The following CCDC148 variants were observed in gnomAD, a reference collection of about 807,000 sequenced individuals.
CCDC148 encodes coiled-coil domain containing 148.
A neutral mutation model predicts 85.7 loss-of-function variants in CCDC148; 89 were observed. The ratio of observed to expected loss-of-function variants is 1.04; its 90% CI spans 0.87 to 1.24. CCDC148 has a LOEUF of 1.24. Among genes scored for constraint, CCDC148 ranks in the 50% most tolerant of loss-of-function variants. The probability of loss-of-function intolerance (pLI) is 0.00; values close to 1 mark genes in which losing one functional copy is unlikely to be tolerated. For missense variants in CCDC148, 692 were observed against 671.7 expected, an observed-to-expected ratio of 1.03 and a Z score of -0.33; for synonymous variants, 230 against 213.9, an observed-to-expected ratio of 1.08 and a Z score of -0.66.
chr2:158,414,290 C>A (rs973772883), intron 1 of CCDC148, among the ~76,000 whole-genome samples: 1 of 152,098 alleles, frequency 6.6e-6, no homozygotes, highest in Non-Finnish European at 1.5e-5. Context: ...TCTTACCAAA[C>A]CAGAAACACT....
intron 1 of CCDC148, among the ~76,000 whole-genome samples, chr2:158,420,796 T>C (rs919810355): frequency 2.0e-5 from 3 of 152,064 alleles, no homozygotes; most frequent in African/African-American, 7.2e-5. Flanking sequence ...GACTGGCAAC[T>C]TGGATAGAGT....
intron 11 of CCDC148, among the ~76,000 whole-genome samples, chr2:158,216,473 T>C (rs1306322684): frequency 2.1e-5 from 3 of 140,698 alleles, no homozygotes; most frequent in African/African-American, 8.0e-5. Flanking sequence ...CTCGGCTCAC[T>C]GCAACCTCCG....
chr2:158,293,951 CCTCTCCCTCCCT>C, intron 9 of CCDC148, among the ~76,000 whole-genome samples: 1 of 48,850 alleles, frequency 2.0e-5, no homozygotes, highest in South Asian at 1.1e-3. Flanking sequence ...CCTTCCTTCC[CCTCTCCCTCCCT>C]CCCTCCCTCC....
intron 11 of CCDC148, among the ~76,000 whole-genome samples, chr2:158,211,006 A>AG (rs1686546673): frequency 6.7e-6 from 1 of 148,558 alleles, no homozygotes; most frequent in Non-Finnish European, 1.5e-5. Context: ...GGACACAGGG[A>AG]GGGGAACATC....
chr2:158,272,492 A>G (rs1477274953), intron 9 of CCDC148, among the ~76,000 whole-genome samples: 1 of 152,228 alleles, frequency 6.6e-6, no homozygotes, highest in Non-Finnish European at 1.5e-5. Context: ...TCTTTGACAT[A>G]GATGAGAAAA....
intron 7 of CCDC148, among the ~76,000 whole-genome samples, chr2:158,330,294 A>G (rs1693028582): frequency 6.6e-6 from 1 of 152,156 alleles, no homozygotes; most frequent in Non-Finnish European, 1.5e-5. Context: ...GGTTCTGTTT[A>G]TATGCTGGAT....
chr2:158,195,643 G>A (rs899699917), intron 11 of CCDC148, among the ~76,000 whole-genome samples: 1 of 152,140 alleles, frequency 6.6e-6, no homozygotes, highest in African/African-American at 2.4e-5. Flanking sequence ...ATTTTTAAAA[G>A]AGCATGGACA....
At chr2:158,407,838 A>T (rs2105311831) in intron 1 of CCDC148, among the ~76,000 whole-genome samples, 1 of 152,298 alleles carries the variant, frequency 6.6e-6, no homozygotes, top group East Asian at 1.9e-4. Flanking sequence ...AACTTCTCAG[A>T]GGGAATCTGT....
chr2:158,264,803 C>T (rs991887967), intron 9 of CCDC148, among the ~76,000 whole-genome samples: 5 of 152,056 alleles, frequency 3.3e-5, no homozygotes, highest in African/African-American at 7.2e-5. Flanking sequence ...TATTACAATA[C>T]GTTCGTGGAA....
At chr2:158,411,309 G>A (rs111889827) in intron 1 of CCDC148, among the ~76,000 whole-genome samples, 11,655 of 151,914 alleles carry the variant, frequency 0.077, 560 homozygotes, top group Middle Eastern at 0.15. Flanking sequence ...CCTTCCCTAT[G>A]ACTCTGATAA....
rs532729308 is a variant in CCDC148 at position 158,187,848 on chromosome 2, C to T, written c.1371-8852G>A. Reference sequence around the variant, plus strand: ...GCAGCCTCCACCTCCCTCAAAGTCCCAGATCCTTTGAGCTTTTATTTGTTC... The same window carrying T: ...GCAGCCTCCACCTCCCTCAAAGTCCTAGATCCTTTGAGCTTTTATTTGTTC... On this transcript the variant is annotated intron_variant, in intron 11 of 13. Coordinates refer to ENST00000283233, the MANE Select transcript of CCDC148 (RefSeq NM_138803.4). 2.6e-5 allele frequency among the ~76,000 whole-genome samples: 4 copies of T among 152,168 alleles called. No individual in the cohort carries two copies. In the Middle Eastern group the frequency reaches 0.01, roughly 388 times the overall value.
intron 1 of CCDC148, among the ~76,000 whole-genome samples, chr2:158,429,164 A>C (rs1192294876): frequency 6.6e-6 from 1 of 151,822 alleles, no homozygotes; most frequent in East Asian, 1.9e-4. Context: ...GAGGGATAGC[A>C]TTAGGAGATA....
At chr2:158,352,872 G>A (rs1683396535) in intron 2 of CCDC148, among the ~76,000 whole-genome samples, 1 of 152,066 alleles carries the variant, frequency 6.6e-6, no homozygotes, top group East Asian at 1.9e-4. Flanking sequence ...ACTAGCAGCG[G>A]ATCTCTTGGC....
chr2:158,249,109 C>T (rs562954204), intron 10 of CCDC148, among the ~76,000 whole-genome samples: 10 of 152,184 alleles, frequency 6.6e-5, no homozygotes, highest in Non-Finnish European at 1.3e-4. Flanking sequence ...TTAATTGTAC[C>T]GACTCCCATT....
At chr2:158,430,006 A>C (rs1574807064) in intron 1 of CCDC148, among the ~76,000 whole-genome samples, 2 of 152,354 alleles carry the variant, frequency 1.3e-5, no homozygotes, top group East Asian at 3.9e-4. Flanking sequence ...AGCTATGCAT[A>C]AAATCAGTTC....
intron 1 of CCDC148, among the ~76,000 whole-genome samples, chr2:158,400,272 C>T (rs4664245): frequency 6.6e-6 from 1 of 152,096 alleles, no homozygotes; most frequent in Non-Finnish European, 1.5e-5. Flanking sequence ...GCAAAAAGAA[C>T]GAAGCTGGAG....
chr2:158,429,638 G>A (rs1687247529), intron 1 of CCDC148, among the ~76,000 whole-genome samples: 1 of 152,096 alleles, frequency 6.6e-6, no homozygotes, highest in Non-Finnish European at 1.5e-5. Context: ...TTTTTCTGAG[G>A]GATTAAGGTA....
intron 9 of CCDC148, among the ~76,000 whole-genome samples, chr2:158,275,469 T>C (rs1254343098): frequency 6.6e-6 from 1 of 152,214 alleles, no homozygotes; most frequent in South Asian, 2.1e-4. Context: ...AGGTAATAAT[T>C]AGGTTTTTCC....
intron 1 of CCDC148, among the ~76,000 whole-genome samples, chr2:158,371,321 C>A (rs879804040): frequency 2.0e-5 from 3 of 151,924 alleles, no homozygotes; most frequent in Admixed American, 6.6e-5. Context: ...ATATTCACCA[C>A]GTCATTTTTT....
Sources: gnomAD v4.1 joint callset for allele counts (sites outside exome capture counted in the v4.1 genomes callset) on GRCh38, gnomAD v4.1.1 for gene constraint, MANE v1.5 for transcripts, NCBI Gene and HGNC (gene_info 2026-07-23, HGNC 2026-07-21) for gene names.